Variants in NEK7 observed in about 807,000 individuals in gnomAD.
The protein encoded by NEK7 is serine/threonine-protein kinase Nek7.
NEK7 carries 18 observed loss-of-function variants against 44.6 expected under a neutral mutation model. The ratio of observed to expected loss-of-function variants is 0.40; its 90% CI spans 0.28 to 0.60. The LOEUF is 0.60. NEK7 is among the 20% of genes least tolerant of loss of function. The probability of loss-of-function intolerance (pLI) is 0.38; values close to 1 mark genes in which losing one functional copy is unlikely to be tolerated. For missense variants in NEK7, 256 were observed against 366.5 expected (o/e 0.70, Z 2.46); for synonymous variants, 130 against 121.1 (o/e 1.07, Z -0.48).
chr1:198,274,985 A>G (rs1489023322), intron 5 of NEK7, among the ~76,000 whole-genome samples: 2 of 151,744 alleles, frequency 1.3e-5, no homozygotes, highest in African/African-American at 4.8e-5. Context: ...CACCTAAGTG[A>G]AATGATGGTA....
At chr1:198,252,942 A>G (rs1348885702) in intron 2 of NEK7, 98 bp from the exon 3 acceptor site, 1 of 980,916 alleles carries the variant, frequency 1.0e-6, no homozygotes, top group Non-Finnish European at 1.5e-6. Flanking sequence ...CTGCAAACTT[A>G]CCCTATGTGT....
At position 198,286,399 on chromosome 1, in the gene NEK7, C is replaced by A. The variant is rs1654369108; in HGVS notation, c.590-6546C>A. 2.0e-5 allele frequency among the ~76,000 whole-genome samples: 3 copies of A among 151,774 alleles called. No homozygotes were observed. In the South Asian group the frequency reaches 6.3e-4, roughly 32 times the overall value. ...AAAAAGAACACCATCCCAAAATGAT[C>A]CAGTGAGCTTTTAGAGGTCACACTT... On this transcript the variant is annotated intron_variant, in intron 7 of 9. Coordinates refer to ENST00000367385, the MANE Select transcript of NEK7 (RefSeq NM_133494.3).
chr1:198,311,743 T>C (rs1376924011), intron 9 of NEK7, among the ~76,000 whole-genome samples: 1 of 152,212 alleles, frequency 6.6e-6, no homozygotes, highest in Non-Finnish European at 1.5e-5. Context: ...ATTACATTGA[T>C]TGATTTGTGT....
intron 1 of NEK7, among the ~76,000 whole-genome samples, chr1:198,162,427 G>C (rs6669917): frequency 0.028 from 4,192 of 152,200 alleles, 198 homozygotes; most frequent in African/African-American, 0.095. Flanking sequence ...AAAACTCCAG[G>C]GTTGTCATTG....
intron 1 of NEK7, among the ~76,000 whole-genome samples, chr1:198,199,541 T>A (rs1036469294): frequency 2.5e-4 from 38 of 152,326 alleles, no homozygotes; most frequent in Non-Finnish European, 8.8e-5. Context: ...ACTTTTTTTT[T>A]TATATTGCTT....
chr1:198,274,191 C>T (rs1653944498), intron 5 of NEK7, among the ~76,000 whole-genome samples: 1 of 121,538 alleles, frequency 8.2e-6, no homozygotes, highest in African/African-American at 3.9e-5. Context: ...TATTTCTCAT[C>T]ATTTAATTAA....
chr1:198,296,382 A>G (rs779504379), intron 8 of NEK7, among the ~76,000 whole-genome samples: 5 of 152,190 alleles, frequency 3.3e-5, no homozygotes, highest in Non-Finnish European at 7.4e-5. Context: ...ACTTGCTTGC[A>G]CTTTAAATGT....
At chr1:198,270,996 C>G (rs567705578) in intron 5 of NEK7, among the ~76,000 whole-genome samples, 220 of 152,066 alleles carry the variant, frequency 1.4e-3, no homozygotes, top group Non-Finnish European at 2.4e-3. Context: ...GGCTAAAGTT[C>G]CTACTTCCCT....
At chr1:198,246,699 G>A (rs1018428994) in intron 2 of NEK7, among the ~76,000 whole-genome samples, 2 of 152,218 alleles carry the variant, frequency 1.3e-5, no homozygotes, top group Non-Finnish European at 2.9e-5. Context: ...CTCAGCATGC[G>A]GTTGTCACAC....
rs1663910716 is a variant in NEK7 at position 198,157,098 on chromosome 1, TG to T, written c.-204del. On this transcript the variant is annotated 5_prime_UTR_variant, in exon 1 of 10. Transcript: ENST00000367385. ...CGGACGCGCCTCGCAGTGCGCAGGG[TG>T]GGTGCCCCGCGCCTGCAGCGTCCGC... The T allele has an allele frequency of 1.3e-5, 2 of 151,500 alleles. No homozygotes were observed. The highest frequency in any genetic ancestry group is 4.8e-5 in the African/African-American group (2 of 41,246). 9.4% of individuals were successfully genotyped at this position (151,500 alleles called of 1,614,324 possible).
chr1:198,166,830 T>C (rs1028928896), intron 1 of NEK7, among the ~76,000 whole-genome samples: 1 of 152,196 alleles, frequency 6.6e-6, no homozygotes, highest in Non-Finnish European at 1.5e-5. Context: ...CACAGAGATA[T>C]GGAGTGAGCA....
At chr1:198,165,003 C>T (rs1039993848) in intron 1 of NEK7, among the ~76,000 whole-genome samples, 6 of 152,212 alleles carry the variant, frequency 3.9e-5, no homozygotes, top group African/African-American at 1.2e-4. Context: ...GAGTAGATTC[C>T]GTCTTAAGAC....
chr1:198,246,323 TG>T (rs909760017), intron 2 of NEK7, among the ~76,000 whole-genome samples: 13 of 152,312 alleles, frequency 8.5e-5, no homozygotes, highest in African/African-American at 3.1e-4. Context: ...TGACAGGACA[TG>T]GGAGCAGATG....
chr1:198,319,501 T>A lies in NEK7; in HGVS notation c.888T>A (p.His296Gln). 3 of 1,611,698 alleles carry A rather than the reference T, an allele frequency of 1.9e-6. No homozygotes were observed. The highest frequency in any genetic ancestry group is 2.5e-6 in the Non-Finnish European group (3 of 1,178,644). Residue 296 changes from histidine (H) to glutamine (Q), a missense_variant, in exon 10 of 10, where the codon CAT becomes CAA. Physicochemically the swap from His to Gln is conservative, Grantham distance 24. Transcript: ENST00000367385. ...TYVYDVAKRM[H>Q]ACTASS ...TTTATGACGTAGCAAAGAGGATGCA[T>A]GCATGCACTGCAAGCAGCTAAACAT... is the stretch of plus-strand genomic sequence containing the variant.
intron 1 of NEK7, among the ~76,000 whole-genome samples, chr1:198,161,909 C>T (rs1664117524): frequency 6.6e-6 from 1 of 152,038 alleles, no homozygotes; most frequent in Non-Finnish European, 1.5e-5. Flanking sequence ...ACTGGTATGA[C>T]TACCTTTGTC....
intron 5 of NEK7, among the ~76,000 whole-genome samples, chr1:198,266,784 C>A (rs1192591125): frequency 6.6e-6 from 1 of 152,026 alleles, no homozygotes; most frequent in Non-Finnish European, 1.5e-5. Context: ...ACATACCCAT[C>A]CATCTGTGCC....
At chr1:198,262,205 G>A (rs1428477213) in intron 3 of NEK7, among the ~76,000 whole-genome samples, 2 of 151,794 alleles carry the variant, frequency 1.3e-5, no homozygotes, top group African/African-American at 2.4e-5. Flanking sequence ...TGTAAAATGG[G>A]AATACTACTA....
At chr1:198,164,021 G>A (rs1664188798) in intron 1 of NEK7, among the ~76,000 whole-genome samples, 1 of 152,068 alleles carries the variant, frequency 6.6e-6, no homozygotes, top group Non-Finnish European at 1.5e-5. Flanking sequence ...TGAGCAGACT[G>A]CTTGAGCCCA....
At chr1:198,225,100 T>TG (rs1292585051) in intron 1 of NEK7, among the ~76,000 whole-genome samples, 1 of 151,940 alleles carries the variant, frequency 6.6e-6, no homozygotes, top group Non-Finnish European at 1.5e-5. Flanking sequence ...CTCAGCACTT[T>TG]GGGAGGCTGA....
Sources: gnomAD v4.1 joint callset for allele counts (sites outside exome capture counted in the v4.1 genomes callset) on GRCh38, gnomAD v4.1.1 for gene constraint, MANE v1.5 for transcripts, NCBI Gene and HGNC (gene_info 2026-07-23, HGNC 2026-07-21) for gene names.